RP1: variants seen among roughly 807,000 people sequenced by gnomAD.
RP1 encodes the protein oxygen-regulated protein 1.
A neutral mutation model predicts 14.8 loss-of-function variants in RP1; 16 were observed. The ratio of observed to expected loss-of-function variants is 1.08; its 90% CI spans 0.73 to 1.65. The LOEUF (loss-of-function observed/expected upper bound fraction) is 1.65. Among genes scored for constraint, RP1 ranks in the 40% most tolerant of loss-of-function variants. The probability of loss-of-function intolerance (pLI) is 0.00; values close to 1 mark genes in which losing one functional copy is unlikely to be tolerated. For missense variants in RP1, 2,631 were observed against 2,535.0 expected (o/e 1.04, Z -0.81); for synonymous variants, 876 against 883.6 (o/e 0.99, Z 0.15).
At chr8:54,853,766 AAG>A (rs1210812770) in intron 26 of RP1, among the ~76,000 whole-genome samples, 2 of 144,334 alleles carry the variant, frequency 1.4e-5, no homozygotes, top group African/African-American at 5.3e-5. Flanking sequence ...GAGAGAAAGA[AAG>A]AGAAAGGAAG....
rs144605111 is a variant in RP1, at chr8:54,566,514, C to G, written c.-13+7194C>G. On this transcript the variant is annotated intron_variant, in intron 1 of 22. Coordinates refer to the RP1 transcript ENST00000636932. ...GGTAAAGCCCCGCCCCTCCCATTTC[C>G]TTCTCCCCCAGGAAGGAGTGGCTAG... Among the ~76,000 whole-genome samples, 1,492 of 152,272 alleles carry G rather than the reference C, an allele frequency of 9.8e-3. 19 individuals are homozygous for G. Among genetic ancestry groups the G allele is most frequent in the African/African-American group, 0.034 (1,415 of 41,530 alleles).
chr8:54,586,824 G>A (rs201509664), intron 1 of RP1, among the ~76,000 whole-genome samples: 14 of 152,314 alleles, frequency 9.2e-5, no homozygotes, highest in Middle Eastern at 3.4e-3. Context: ...GTGGTGTGCC[G>A]TTTGCTAAGA....
chr8:54,761,722 C>A (rs562895350), intron 22 of RP1, among the ~76,000 whole-genome samples: 1 of 152,138 alleles, frequency 6.6e-6, no homozygotes, highest in African/African-American at 2.4e-5. Flanking sequence ...ATATTTAATA[C>A]CCTGATCATA....
At chr8:54,854,169 T>G (rs1281530273) in intron 26 of RP1, among the ~76,000 whole-genome samples, 3 of 152,210 alleles carry the variant, frequency 2.0e-5, no homozygotes, top group African/African-American at 7.2e-5. Context: ...ATTATATAAT[T>G]TATGTGGAAA....
intron 1 of RP1, among the ~76,000 whole-genome samples, chr8:54,585,729 C>G (rs948647323): frequency 6.6e-6 from 1 of 152,142 alleles, no homozygotes; most frequent in Non-Finnish European, 1.5e-5. Flanking sequence ...CTTCTCTTCT[C>G]ACTTCATTTC....
intron 1 of RP1, among the ~76,000 whole-genome samples, chr8:54,577,801 G>C (rs575878635): frequency 3.9e-5 from 6 of 152,160 alleles, no homozygotes; most frequent in Non-Finnish European, 8.8e-5. Context: ...ATCCAGGTGT[G>C]ACCATTGTTC....
intron 6 of RP1, chr8:54,663,695 T>C (rs1303943612): frequency 5.3e-6 from 8 of 1,512,594 alleles, no homozygotes; most frequent in Middle Eastern, 1.7e-4. Flanking sequence ...TCTTATGTTG[T>C]CAGTGACAAT....
intron 22 of RP1, among the ~76,000 whole-genome samples, chr8:54,760,947 C>T (rs1462586923): frequency 6.6e-6 from 1 of 152,150 alleles, no homozygotes; most frequent in African/African-American, 2.4e-5. Flanking sequence ...TAACACATAG[C>T]ACTGAAGAGG....
chr8:54,747,312 G>A (rs763484883), intron 19 of RP1, among the ~76,000 whole-genome samples: 24 of 152,112 alleles, frequency 1.6e-4, no homozygotes, highest in Non-Finnish European at 2.9e-4. Context: ...AAGCCACACT[G>A]GTCTTCTCCT....
At chr8:54,677,141 T>A (rs1308060910) in intron 8 of RP1, among the ~76,000 whole-genome samples, 1 of 151,628 alleles carries the variant, frequency 6.6e-6, no homozygotes, top group Non-Finnish European at 1.5e-5. Flanking sequence ...GGTTTACCTA[T>A]GTCTGTCCTG....
chr8:54,795,885 G>A (rs981367731), intron 24 of RP1, among the ~76,000 whole-genome samples: 1 of 152,024 alleles, frequency 6.6e-6, no homozygotes, highest in African/African-American at 2.4e-5. Flanking sequence ...CTACTCTTAG[G>A]TTACAGTTTT....
At chr8:54,587,744 A>C (rs1398892307) in intron 1 of RP1, among the ~76,000 whole-genome samples, 1 of 152,238 alleles carries the variant, frequency 6.6e-6, no homozygotes, top group Admixed American at 6.5e-5. Flanking sequence ...AGAATGAGCT[A>C]CTGACAGGGA....
chr8:54,684,434 C>A (rs1807509058), intron 12 of RP1, among the ~76,000 whole-genome samples: 1 of 152,108 alleles, frequency 6.6e-6, no homozygotes, highest in Non-Finnish European at 1.5e-5. Flanking sequence ...GTAAATCTGT[C>A]TGGTAGTAGG....
At position 54,626,605 on chromosome 8, in the gene RP1, C is replaced by T. The variant is rs1237461149; in HGVS notation, c.2723C>T (p.Ala908Val). Residue 908 changes from alanine (A) to valine (V), a missense_variant, in exon 4 of 4, where the codon GCT (alanine) becomes GTT (valine). Ala to Val is a moderately conservative substitution (Grantham distance 64). Coordinates refer to ENST00000220676, the MANE Select transcript of RP1 (RefSeq NM_006269.2). ...AAACCTGATTTTCCTGAGGCTATTG[C>T]TCATCATTCAATTCAAAATTATATA... The part of the protein sequence containing the change: ...LKKPDFPEAI[A>V]HHSIQNYIQS... 1.9e-6 allele frequency: 3 copies of T among 1,613,556 alleles called. No individual in the cohort carries two copies. Among genetic ancestry groups the T allele is most frequent in the Admixed American group, 3.3e-5 (2 of 59,948 alleles).
intron 24 of RP1, among the ~76,000 whole-genome samples, chr8:54,794,357 C>T (rs909600217): frequency 6.6e-6 from 1 of 151,310 alleles, no homozygotes; most frequent in Admixed American, 6.6e-5. Flanking sequence ...ATTTTATTGG[C>T]ATAAAAGTAG....
At chr8:54,833,140 T>C (rs1257410268) in intron 24 of RP1, among the ~76,000 whole-genome samples, 1 of 151,978 alleles carries the variant, frequency 6.6e-6, no homozygotes, top group Non-Finnish European at 1.5e-5. Context: ...TGTTCCCTCC[T>C]TTCTGGGATC....
chr8:54,607,333 TCCG>T (rs1400332514), intron 1 of RP1, among the ~76,000 whole-genome samples: 1 of 152,206 alleles, frequency 6.6e-6, no homozygotes, highest in African/African-American at 2.4e-5. Flanking sequence ...TGCCTGGGTA[TCCG>T]CAGCAGAGGC....
At chr8:54,697,679 G>C (rs533143802) in intron 12 of RP1, among the ~76,000 whole-genome samples, 6 of 152,248 alleles carry the variant, frequency 3.9e-5, no homozygotes, top group African/African-American at 1.4e-4. Flanking sequence ...CATGGTACTG[G>C]TACCCAAACA....
intron 15 of RP1, among the ~76,000 whole-genome samples, chr8:54,713,637 A>G (rs1330586377): frequency 6.6e-6 from 1 of 152,232 alleles, no homozygotes; most frequent in East Asian, 1.9e-4. Flanking sequence ...CATATTTATA[A>G]GAAGTTGAAA....
Sources: gnomAD v4.1 joint callset for allele counts (sites outside exome capture counted in the v4.1 genomes callset) on GRCh38, gnomAD v4.1.1 for gene constraint, MANE v1.5 for transcripts, NCBI Gene and HGNC (gene_info 2026-07-23, HGNC 2026-07-21) for gene names.